ZC3H12B: variants seen among roughly 807,000 people sequenced by gnomAD.
The protein encoded by ZC3H12B is zinc finger CCCH-type containing 12B, also known as probable ribonuclease ZC3H12B.
In ZC3H12B, 7 loss-of-function variants were observed where a neutral mutation model predicts 43.9. The ratio of observed to expected loss-of-function variants is 0.16; its 90% confidence interval spans 0.09 to 0.30. The LOEUF (loss-of-function observed/expected upper bound fraction) is 0.30, where lower values mean the gene tolerates loss of function less well. Among genes scored for constraint, ZC3H12B ranks in the 10% least tolerant of loss-of-function variants. ZC3H12B has a pLI of 1.00. For missense variants in ZC3H12B, 475 were observed against 670.2 expected (o/e 0.71, Z 3.22); for synonymous variants, 222 against 241.7 (o/e 0.92, Z 0.76).
At position 65,415,088 on chromosome X, in the gene ZC3H12B, C is replaced by A. The variant is rs145296028; in HGVS notation, n.407+16384C>A. 2.3e-3 allele frequency among the ~76,000 whole-genome samples: 254 copies of A among 112,383 alleles called. 2 individuals carry two copies. The highest frequency in any genetic ancestry group is 7.7e-3 in the African/African-American group (238 of 31,003). ...GGTTTGCTCCAGAAAGGTGGGATAA[C>A]TTGAAGTGGGAGCTTTCTGGTCATG... On this transcript the variant is annotated intron_variant and non_coding_transcript_variant, in intron 3 of 5. Coordinates refer to the ZC3H12B transcript ENST00000617377.
chrX:65,438,386 A>G (rs1054430026), intron 3 of ZC3H12B, among the ~76,000 whole-genome samples: 1 of 111,623 alleles, frequency 9.0e-6, no homozygotes, highest in Non-Finnish European at 1.9e-5. Context: ...GTCCTCTTCA[A>G]TTTCTTGCAT....
the ZC3H12B span, among the ~76,000 whole-genome samples, chrX:65,308,524 C>T: frequency 9.0e-6 from 1 of 111,305 alleles, no homozygotes; most frequent in Non-Finnish European, 1.9e-5. Context: ...CTTAGACTCC[C>T]ACACAATAAT....
At chrX:65,372,868 A>G (rs755673878) in intron 2 of ZC3H12B, among the ~76,000 whole-genome samples, 2 of 112,094 alleles carry the variant, frequency 1.8e-5, no homozygotes, top group Admixed American at 9.5e-5. Context: ...CTAAATTACA[A>G]TACACAGGAA....
chrX:65,281,852 C>A, the ZC3H12B span, among the ~76,000 whole-genome samples: 1 of 111,793 alleles, frequency 8.9e-6, no homozygotes, highest in Admixed American at 9.5e-5. Context: ...AGTTTCTGCA[C>A]AGCAAAGGAG....
chrX:65,159,982 A>C, the ZC3H12B span, among the ~76,000 whole-genome samples: 15,986 of 111,496 alleles, frequency 0.14, 2,745 homozygotes, highest in African/African-American at 0.49. Context: ...AGGGCTGTTG[A>C]ATTTTGTCAA....
chrX:65,447,233 T>A (rs757041331), intron 3 of ZC3H12B, among the ~76,000 whole-genome samples: 2 of 112,127 alleles, frequency 1.8e-5, no homozygotes, highest in African/African-American at 6.5e-5. Context: ...TTTTCCTTTT[T>A]ATCTGACTAG....
At chrX:65,259,820 C>G in the ZC3H12B span, among the ~76,000 whole-genome samples, 6 of 111,337 alleles carry the variant, frequency 5.4e-5, no homozygotes, top group Non-Finnish European at 1.1e-4. Context: ...TGGAACCAGC[C>G]CAAATGCCCA....
chrX:65,387,400 C>A (rs2066543268), intron 2 of ZC3H12B, among the ~76,000 whole-genome samples: 1 of 111,740 alleles, frequency 8.9e-6, no homozygotes, highest in Non-Finnish European at 1.9e-5. Flanking sequence ...TATTTAATGG[C>A]CTCTTTGTCT....
At chrX:65,396,831 GAGTCTAAGC>G (rs1279219801) in intron 2 of ZC3H12B, among the ~76,000 whole-genome samples, 1 of 110,894 alleles carries the variant, frequency 9.0e-6, no homozygotes, top group African/African-American at 3.3e-5. Context: ...TATTATGTGG[GAGTCTAAGC>G]CCCTTTGTAG....
chrX:65,340,252 G>T, the ZC3H12B span, among the ~76,000 whole-genome samples: 1 of 111,987 alleles, frequency 8.9e-6, no homozygotes, highest in Non-Finnish European at 1.9e-5. Context: ...TGCCAGTGGG[G>T]GCATCCTGAT....
At chrX:65,386,624 G>T (rs779092011) in intron 2 of ZC3H12B, among the ~76,000 whole-genome samples, 18 of 111,112 alleles carry the variant, frequency 1.6e-4, no homozygotes, top group Non-Finnish European at 2.8e-4. Context: ...TTTTTGAAGG[G>T]TTTTTTGTGT....
upstream of ZC3H12B, among the ~76,000 whole-genome samples, chrX:65,365,328 A>T (rs1300425024): frequency 9.0e-6 from 1 of 111,313 alleles, no homozygotes. Flanking sequence ...CCTAATTCTT[A>T]GTCCTTTAAT....
At chrX:65,308,027 T>G in the ZC3H12B span, among the ~76,000 whole-genome samples, 1 of 111,694 alleles carries the variant, frequency 9.0e-6, no homozygotes, top group Non-Finnish European at 1.9e-5. Context: ...AACACATTTT[T>G]AGTCAAACAA....
chrX:65,151,587 C>A, the ZC3H12B span, among the ~76,000 whole-genome samples: 6 of 111,921 alleles, frequency 5.4e-5, no homozygotes, highest in African/African-American at 1.6e-4. Context: ...AAAGGTGTGA[C>A]TTCAGATATA....
the ZC3H12B span, among the ~76,000 whole-genome samples, chrX:65,106,896 A>T: frequency 9.0e-6 from 1 of 111,718 alleles, no homozygotes; most frequent in Admixed American, 9.5e-5. Flanking sequence ...CAATTTTCAT[A>T]TAAGATTATG....
chrX:65,431,058 G>A (rs1475467237), intron 3 of ZC3H12B, among the ~76,000 whole-genome samples: 1 of 112,372 alleles, frequency 8.9e-6, no homozygotes, highest in African/African-American at 3.2e-5. Context: ...GCTACTTCAA[G>A]ATGGTAGGGA....
the ZC3H12B span, among the ~76,000 whole-genome samples, chrX:65,247,333 T>C: frequency 1.8e-5 from 2 of 112,181 alleles, no homozygotes; most frequent in Non-Finnish European, 3.8e-5. Context: ...GTGTGGTGAT[T>C]TTTCAAAGAC....
chrX:65,194,063 G>C, the ZC3H12B span, among the ~76,000 whole-genome samples: 1 of 109,324 alleles, frequency 9.1e-6, no homozygotes, highest in South Asian at 4.0e-4. Context: ...GAGAGCAGTG[G>C]CACGGGGGTA....
chrX:65,056,364 G>T, the ZC3H12B span, among the ~76,000 whole-genome samples: 1 of 111,654 alleles, frequency 9.0e-6, no homozygotes, highest in South Asian at 3.8e-4. Flanking sequence ...AGTCATTCAG[G>T]AGCAGGTTGT....
Sources: allele counts gnomAD v4.1 joint callset (sites outside exome capture counted in the v4.1 genomes callset), GRCh38; gene constraint gnomAD v4.1.1; transcripts MANE v1.5; gene names NCBI Gene and HGNC (gene_info 2026-07-23, HGNC 2026-07-21).